The following SLC14A2 variants were observed in gnomAD, a reference collection of about 807,000 sequenced individuals.
SLC14A2 encodes urea transporter 2.
A neutral mutation model predicts 104.6 loss-of-function variants in SLC14A2; 91 were observed. The observed-to-expected ratio is 0.87, with a 90% CI of 0.73 to 1.04. The LOEUF (loss-of-function observed/expected upper bound fraction) is 1.04. SLC14A2 is among the 50% of genes least tolerant of loss of function. SLC14A2 has a pLI of 0.00. For synonymous variants in SLC14A2, 476 were observed against 466.4 expected (o/e 1.02, Z -0.27); for missense variants, 1,189 against 1,156.0 (o/e 1.03, Z -0.41).
At chr18:45,322,255 C>T (rs931013) in intron 1 of SLC14A2, among the ~76,000 whole-genome samples, 151,845 of 152,324 alleles carry the variant, frequency 1, 75,683 homozygotes, top group Middle Eastern at 1. Flanking sequence ...TGGACATATA[C>T]TGGTTAGGTC....
chr18:45,662,812 G>A (rs190160202), intron 10 of SLC14A2, among the ~76,000 whole-genome samples: 203 of 152,240 alleles, frequency 1.3e-3, no homozygotes, highest in African/African-American at 4.5e-3. Context: ...GTGTACTGGA[G>A]CTCCAAGCAG....
intron 1 of SLC14A2, among the ~76,000 whole-genome samples, chr18:45,389,589 A>G (rs1487525810): frequency 6.6e-6 from 1 of 152,214 alleles, no homozygotes; most frequent in Non-Finnish European, 1.5e-5. Flanking sequence ...AAAGTGTGAC[A>G]TTTTAGGAAT....
At chr18:45,463,947 C>T (rs1404450657) in intron 1 of SLC14A2, among the ~76,000 whole-genome samples, 1 of 152,180 alleles carries the variant, frequency 6.6e-6, no homozygotes, top group East Asian at 1.9e-4. Flanking sequence ...TAGCCCTGCC[C>T]ACCCTATTTC....
Position 45,682,545 on chromosome 18 carries a change from G to C in SLC14A2, c.*26G>C. The C allele has an allele frequency of 1.9e-6, 3 of 1,590,592 alleles. 1 individual carries two copies. The highest frequency in any genetic ancestry group is 2.6e-6 in the Non-Finnish European group (3 of 1,158,504). Reference sequence around the variant, plus strand: ...GTTTCCCTGTCTAAAACACATCAGTGTAAATTCAGGCTTCAGCACGCCGTC... The same window carrying C: ...GTTTCCCTGTCTAAAACACATCAGTCTAAATTCAGGCTTCAGCACGCCGTC... On this transcript the variant is annotated 3_prime_UTR_variant, in exon 20 of 20. Transcript: ENST00000255226.
chr18:45,389,738 T>G (rs2085939995), intron 1 of SLC14A2, among the ~76,000 whole-genome samples: 1 of 152,222 alleles, frequency 6.6e-6, no homozygotes, highest in Non-Finnish European at 1.5e-5. Flanking sequence ...GACATGAACT[T>G]GATGGGTCTC....
Position 45,626,688 on chromosome 18 carries a change from G to A in SLC14A2, c.332-270G>A, listed in dbSNP as rs2045261694. On this transcript the variant is annotated intron_variant, in intron 3 of 19. Transcript: ENST00000255226. ...TCTTTTCCAACCAAGCCAGTGGCTG[G>A]AACAGCGTTAAATTGTTCTCAGCAT... is the stretch of plus-strand genomic sequence containing the variant. Among the ~76,000 whole-genome samples, 3 of 151,774 alleles carry A rather than the reference G, an allele frequency of 2.0e-5. No individual in the cohort carries two copies. The South Asian group carries it at 6.2e-4, about 32-fold the overall frequency.
chr18:45,478,122 C>G (rs148590605), intron 1 of SLC14A2, among the ~76,000 whole-genome samples: 1,953 of 152,216 alleles, frequency 0.013, 29 homozygotes, highest in South Asian at 0.066. Flanking sequence ...TGTAGGCACC[C>G]AAGGGAATCT....
At chr18:45,178,321 G>A in the SLC14A2 span, among the ~76,000 whole-genome samples, 5 of 152,068 alleles carry the variant, frequency 3.3e-5, no homozygotes, top group Admixed American at 2.6e-4. Context: ...AAGAGTGACA[G>A]TCATATTAGG....
At chr18:45,597,157 T>C (rs1194995688) in intron 2 of SLC14A2, among the ~76,000 whole-genome samples, 1 of 152,100 alleles carries the variant, frequency 6.6e-6, no homozygotes, top group Non-Finnish European at 1.5e-5. Context: ...GTAAACACCA[T>C]CTCTACCAAA....
At chr18:45,170,104 C>T in the SLC14A2 span, among the ~76,000 whole-genome samples, 6 of 152,120 alleles carry the variant, frequency 3.9e-5, no homozygotes. Flanking sequence ...GGAAAGGGAA[C>T]AAATAAAAGA....
chr18:45,170,543 T>C, the SLC14A2 span, among the ~76,000 whole-genome samples: 10 of 152,132 alleles, frequency 6.6e-5, no homozygotes, highest in African/African-American at 2.4e-4. Flanking sequence ...TGTGAGGAGG[T>C]TGGTTCAGTG....
At chr18:45,268,905 C>G (rs113352926) in intron 1 of SLC14A2, among the ~76,000 whole-genome samples, 131 of 151,744 alleles carry the variant, frequency 8.6e-4, no homozygotes, top group African/African-American at 3.1e-3. Flanking sequence ...AAGGGGAGTT[C>G]TGATCTGGGT....
At chr18:45,210,842 GTGT>G (rs1247209887), upstream of SLC14A2, among the ~76,000 whole-genome samples, 3 of 152,190 alleles carry the variant, frequency 2.0e-5, no homozygotes, top group Non-Finnish European at 2.9e-5. Context: ...AATATGGAAT[GTGT>G]TGTTGTGCAT....
chr18:45,564,903 G>T (rs535298399), intron 2 of SLC14A2, among the ~76,000 whole-genome samples: 1 of 152,198 alleles, frequency 6.6e-6, no homozygotes, highest in African/African-American at 2.4e-5. Context: ...AACATGACAA[G>T]GTAACTAAAG....
At chr18:45,567,170 T>C (rs1471830266) in intron 2 of SLC14A2, among the ~76,000 whole-genome samples, 1 of 152,058 alleles carries the variant, frequency 6.6e-6, no homozygotes, top group Non-Finnish European at 1.5e-5. Flanking sequence ...TGGAATTTTC[T>C]TTGTAACTCT....
chr18:45,200,180 G>A, the SLC14A2 span, among the ~76,000 whole-genome samples: 2 of 151,976 alleles, frequency 1.3e-5, no homozygotes, highest in African/African-American at 2.4e-5. Flanking sequence ...GATTATACAT[G>A]AACTTTTCTC....
intron 2 of SLC14A2, among the ~76,000 whole-genome samples, chr18:45,546,435 T>C (rs928364506): frequency 6.6e-6 from 1 of 152,224 alleles, no homozygotes; most frequent in Non-Finnish European, 1.5e-5. Flanking sequence ...GCAAACGAAA[T>C]TGAATCTCTA....
chr18:45,254,152 G>T (rs2084451389), intron 1 of SLC14A2, among the ~76,000 whole-genome samples: 1 of 152,176 alleles, frequency 6.6e-6, no homozygotes, highest in Non-Finnish European at 1.5e-5. Context: ...CTGTCAACCA[G>T]CTCCTCTCAT....
intron 1 of SLC14A2, among the ~76,000 whole-genome samples, chr18:45,299,933 G>A (rs2084952122): frequency 6.6e-6 from 1 of 152,112 alleles, no homozygotes. Flanking sequence ...GCTTGTGGCT[G>A]GGGTGAAGAC....
Sources: gnomAD v4.1 joint callset for allele counts (sites outside exome capture counted in the v4.1 genomes callset) on GRCh38, gnomAD v4.1.1 for gene constraint, MANE v1.5 for transcripts, NCBI Gene and HGNC (gene_info 2026-07-23, HGNC 2026-07-21) for gene names.